MAF: variants seen among roughly 807,000 people sequenced by gnomAD.
MAF encodes MAF bZIP transcription factor.
In MAF, 10 loss-of-function variants were observed where a neutral mutation model predicts 22.0. The ratio of observed to expected loss-of-function variants is 0.45; its 90% CI spans 0.28 to 0.77. The LOEUF is 0.77. Ranked by LOEUF, MAF falls within the 30% of genes least tolerant of loss-of-function variation. The pLI is 0.12. For missense variants in MAF, 544 were observed against 548.4 expected, an observed-to-expected ratio of 0.99 and a Z score of 0.08; for synonymous variants, 337 against 255.8, an observed-to-expected ratio of 1.32 and a Z score of -3.03.
intron 1 of MAF, 61 bp downstream of exon 1, chr16:79,598,724 G>C: frequency 6.2e-7 from 1 of 1,609,216 alleles, no homozygotes; most frequent in Non-Finnish European, 8.5e-7. Context: ...GCCCACACCC[G>C]AGCCGGACCC....
the MAF span, among the ~76,000 whole-genome samples, chr16:79,453,000 G>A: frequency 1.3e-5 from 2 of 152,184 alleles, no homozygotes; most frequent in Non-Finnish European, 2.9e-5. Context: ...TTCATAATGA[G>A]AGCTCACTGT....
chr16:79,232,077 C>A, the MAF span, among the ~76,000 whole-genome samples: 1 of 151,994 alleles, frequency 6.6e-6, no homozygotes, highest in African/African-American at 2.4e-5. Context: ...GTAATGTGAG[C>A]AATGGGGAAC....
chr16:79,360,001 C>T, the MAF span, among the ~76,000 whole-genome samples: 3 of 152,050 alleles, frequency 2.0e-5, no homozygotes, highest in African/African-American at 7.3e-5. Context: ...CTGAGTAGGA[C>T]CAGAGGGAAG....
chr16:79,435,301 A>G, the MAF span, among the ~76,000 whole-genome samples: 4 of 152,204 alleles, frequency 2.6e-5, no homozygotes, highest in Non-Finnish European at 5.9e-5. Flanking sequence ...TACCATATGC[A>G]CATATATACA....
At chr16:79,471,588 G>A in the MAF span, among the ~76,000 whole-genome samples, 2 of 152,156 alleles carry the variant, frequency 1.3e-5, no homozygotes, top group Admixed American at 1.3e-4. Context: ...GAGGTAGGAG[G>A]ATGGCTCCAG....
chr16:79,397,129 T>A, the MAF span, among the ~76,000 whole-genome samples: 3 of 152,242 alleles, frequency 2.0e-5, no homozygotes, highest in East Asian at 5.8e-4. Flanking sequence ...ATTTACTGAA[T>A]GTCTGGGCAC....
the MAF span, among the ~76,000 whole-genome samples, chr16:79,425,717 A>G: frequency 1.4e-5 from 2 of 143,688 alleles, no homozygotes; most frequent in Non-Finnish European, 3.0e-5. Context: ...CTTACTCTGT[A>G]CCCAGCACTG....
chr16:79,376,662 T>A, the MAF span, among the ~76,000 whole-genome samples: 1 of 152,210 alleles, frequency 6.6e-6, no homozygotes, highest in Non-Finnish European at 1.5e-5. Context: ...TATCTCCTAA[T>A]GCTATCCCTC....
the MAF span, among the ~76,000 whole-genome samples, chr16:79,420,075 G>C: frequency 6.9e-3 from 1,051 of 151,624 alleles, 4 homozygotes; most frequent in Middle Eastern, 0.014. Flanking sequence ...TACTGCAAAA[G>C]TGACTGTGGC....
the MAF span, among the ~76,000 whole-genome samples, chr16:79,485,551 T>C: frequency 6.6e-6 from 1 of 152,340 alleles, no homozygotes; most frequent in Non-Finnish European, 1.5e-5. Flanking sequence ...GTACATGAAG[T>C]ACACATTGAA....
At chr16:79,559,630 T>C in the MAF span, among the ~76,000 whole-genome samples, 1 of 150,312 alleles carries the variant, frequency 6.7e-6, no homozygotes, top group Non-Finnish European at 1.5e-5. Context: ...AATTACTAGA[T>C]GTTCATAAAA....
chr16:79,597,164 C>G, intron 1 of MAF: 3 of 1,056,034 alleles, frequency 2.8e-6, no homozygotes, highest in Non-Finnish European at 3.4e-6. Flanking sequence ...CTTAACATCA[C>G]AATAGTAAAC....
the MAF span, among the ~76,000 whole-genome samples, chr16:79,333,654 A>G: frequency 1.3e-5 from 2 of 152,234 alleles, no homozygotes; most frequent in Non-Finnish European, 2.9e-5. Context: ...GAATAAGAAA[A>G]GAAGAGACAA....
chr16:79,246,013 C>A, the MAF span, among the ~76,000 whole-genome samples: 3 of 151,900 alleles, frequency 2.0e-5, no homozygotes, highest in Non-Finnish European at 2.9e-5. Context: ...ACAATGAGAA[C>A]ACATGGACAC....
the MAF span, among the ~76,000 whole-genome samples, chr16:79,456,262 G>A: frequency 6.6e-6 from 1 of 152,044 alleles, no homozygotes; most frequent in African/African-American, 2.4e-5. Flanking sequence ...TTTATGGGGA[G>A]CGATCTAATT....
chr16:79,543,112 G>C, the MAF span, among the ~76,000 whole-genome samples: 1 of 152,174 alleles, frequency 6.6e-6, no homozygotes, highest in Admixed American at 6.5e-5. Context: ...CATTTCACTA[G>C]ACAAAGTGGG....
At chr16:79,233,433 C>G in the MAF span, among the ~76,000 whole-genome samples, 5 of 151,974 alleles carry the variant, frequency 3.3e-5, no homozygotes, top group African/African-American at 7.2e-5. Context: ...CCTAGAGGTT[C>G]CATTGTGGAG....
chr16:79,203,063 C>T, the MAF span: 9 of 152,268 alleles, frequency 5.9e-5, no homozygotes, highest in South Asian at 4.2e-4. Flanking sequence ...ATTATTTACC[C>T]GGGCAATTAA....
chr16:79,554,449 G>T, the MAF span, among the ~76,000 whole-genome samples: 650 of 152,260 alleles, frequency 4.3e-3, 2 homozygotes, highest in African/African-American at 0.015. Context: ...AAGAGAATTT[G>T]AAAGCCATAG....
Sources: gnomAD v4.1 joint callset for allele counts (sites outside exome capture counted in the v4.1 genomes callset) on GRCh38, gnomAD v4.1.1 for gene constraint, MANE v1.5 for transcripts, NCBI Gene and HGNC (gene_info 2026-07-23, HGNC 2026-07-21) for gene names.